SREBF2: variants seen among roughly 807,000 people sequenced by gnomAD.
SREBF2 encodes sterol regulatory element binding transcription factor 2, also known as sterol regulatory element-binding protein 2.
A neutral mutation model predicts 113.1 loss-of-function variants in SREBF2; 55 were observed. The ratio of observed to expected loss-of-function variants is 0.49; its 90% confidence interval spans 0.39 to 0.61. The LOEUF (loss-of-function observed/expected upper bound fraction) is 0.61. Among genes scored for constraint, SREBF2 ranks in the 20% least tolerant of loss-of-function variants. SREBF2 has a pLI of 0.00. For synonymous variants in SREBF2, 593 were observed against 605.7 expected, an observed-to-expected ratio of 0.98 and a Z score of 0.31; for missense variants, 1,349 against 1,487.4, an observed-to-expected ratio of 0.91 and a Z score of 1.53.
intron 4 of SREBF2, among the ~76,000 whole-genome samples, chr22:41,871,620 G>A (rs1402061135): frequency 3.3e-5 from 5 of 152,186 alleles, no homozygotes; most frequent in African/African-American, 7.2e-5. Flanking sequence ...TGACAGGCAC[G>A]GTGGCTCACG....
intron 1 of SREBF2, among the ~76,000 whole-genome samples, chr22:41,837,870 A>G (rs1378827434): frequency 2.6e-5 from 4 of 151,796 alleles, no homozygotes; most frequent in Admixed American, 2.0e-4. Context: ...AAAAAAAAAA[A>G]AAAAAGAAAG....
chr22:41,847,760 G>A (rs145236450), intron 1 of SREBF2, among the ~76,000 whole-genome samples: 12 of 152,296 alleles, frequency 7.9e-5, no homozygotes, highest in African/African-American at 2.4e-4. Flanking sequence ...GAGATTAAAC[G>A]AAATTTGTGT....
intron 10 of SREBF2, among the ~76,000 whole-genome samples, chr22:41,881,643 C>T (rs1389993484): frequency 6.6e-6 from 1 of 152,100 alleles, no homozygotes; most frequent in African/African-American, 2.4e-5. Context: ...CTAGAGGGAG[C>T]CAGGGCACAA....
intron 1 of SREBF2, among the ~76,000 whole-genome samples, chr22:41,840,549 A>G (rs2076820133): frequency 6.6e-6 from 1 of 152,206 alleles, no homozygotes; most frequent in Non-Finnish European, 1.5e-5. Context: ...TTGCCTGTCT[A>G]AAAACATCTT....
chr22:41,863,593 T>C (rs1204517042), intron 1 of SREBF2, among the ~76,000 whole-genome samples: 1 of 152,258 alleles, frequency 6.6e-6, no homozygotes, highest in African/African-American at 2.4e-5. Flanking sequence ...AGTTTAATCA[T>C]GTCACGGAAT....
At chr22:41,859,799 CTTTTTTTT>C (rs1174473976) in intron 1 of SREBF2, among the ~76,000 whole-genome samples, 7 of 54,346 alleles carry the variant, frequency 1.3e-4, no homozygotes, top group Non-Finnish European at 1.7e-4. Flanking sequence ...TATGGTGATT[CTTTTTTTT>C]TTTTTTTTTT....
intron 1 of SREBF2, among the ~76,000 whole-genome samples, chr22:41,842,190 G>C (rs971557116): frequency 2.0e-5 from 3 of 152,144 alleles, no homozygotes; most frequent in African/African-American, 7.2e-5. Context: ...AAGGTACTAT[G>C]AAAAGTCTTG....
chr22:41,874,917 A>T (rs902047793), intron 5 of SREBF2, among the ~76,000 whole-genome samples: 1 of 142,388 alleles, frequency 7.0e-6, no homozygotes, highest in Non-Finnish European at 1.5e-5. Flanking sequence ...TGGAAAAAAG[A>T]AAAAAAAAAA....
intron 10 of SREBF2, among the ~76,000 whole-genome samples, chr22:41,882,884 G>A (rs767253893): frequency 6.6e-6 from 1 of 152,142 alleles, no homozygotes; most frequent in Non-Finnish European, 1.5e-5. Context: ...AAGGAAGGTC[G>A]CTTGAGCCCA....
chr22:41,849,048 A>G (rs1258126953), intron 1 of SREBF2, among the ~76,000 whole-genome samples: 3 of 152,226 alleles, frequency 2.0e-5, no homozygotes, highest in East Asian at 1.9e-4. Context: ...ATATATACAT[A>G]CGTATATATA....
chr22:41,867,014 C>G lies in SREBF2; in HGVS notation c.272C>G (p.Ser91Ter). 6.2e-7 allele frequency: 1 copy of G among 1,614,076 alleles called. No homozygotes were observed. Among genetic ancestry groups the G allele is most frequent in the Non-Finnish European group, 8.5e-7 (1 of 1,179,940 alleles). ...SGAVDPSVQR[S>*]FTQVTLPSFS... The stretch of plus-strand genomic sequence containing the variant: ...GCTGTGGACCCTTCAGTGCAACGGT[C>G]ATTCACCCAGGTCACATTACCTTCC... The change falls in exon 2 of 19, where the codon TCA becomes TGA. Residue 91 changes from serine (S) to a stop codon, truncating the protein, a stop_gained. Transcript: ENST00000361204. LOFTEE classifies it high-confidence loss of function.
chr22:41,894,334 G>T (rs921906918), intron 12 of SREBF2, among the ~76,000 whole-genome samples: 3 of 152,206 alleles, frequency 2.0e-5, no homozygotes, highest in Non-Finnish European at 4.4e-5. Context: ...CCCGTGTCTA[G>T]CCAGTTCAGA....
In SREBF2 at chr22:41,875,704, C is replaced by T; in HGVS notation, c.1366C>T (p.Pro456Ser). The change falls in exon 7 of 19, where the codon CCT becomes TCT. Residue 456 changes from proline (P) to serine (S), a missense_variant. Pro to Ser is a moderately conservative substitution (Grantham distance 74). Coordinates refer to ENST00000361204, the MANE Select transcript of SREBF2 (RefSeq NM_004599.4). ...PYSIDSEPGS[P>S]LLDDAKVKDE... ...CTCCATTGACTCTGAGCCAGGAAGC[C>T]CTCTATTGGATGATGCAAAGGTACA... 6.2e-7 allele frequency: 1 copy of T among 1,614,140 alleles called. No homozygotes were observed. Among genetic ancestry groups the T allele is most frequent in the Non-Finnish European group, 8.5e-7 (1 of 1,180,020 alleles).
At chr22:41,898,848 C>G in intron 15 of SREBF2, 67 bp downstream of exon 15, 2 of 1,597,474 alleles carry the variant, frequency 1.3e-6, no homozygotes, top group Middle Eastern at 3.5e-4. Context: ...TTAGCAGGAG[C>G]AAACTGGACT....
intron 13 of SREBF2, among the ~76,000 whole-genome samples, chr22:41,896,818 A>G (rs1401702254): frequency 6.6e-6 from 1 of 152,156 alleles, no homozygotes. Flanking sequence ...GGGGGATGCT[A>G]GGGAAAGGCC....
intron 10 of SREBF2, among the ~76,000 whole-genome samples, chr22:41,883,522 C>T (rs1043162164): frequency 1.3e-5 from 2 of 152,220 alleles, no homozygotes; most frequent in Non-Finnish European, 2.9e-5. Context: ...CAGGCTGTGT[C>T]CTCCTTGCTG....
At chr22:41,857,492 C>T (rs1272255755) in intron 1 of SREBF2, among the ~76,000 whole-genome samples, 3 of 152,086 alleles carry the variant, frequency 2.0e-5, no homozygotes, top group Non-Finnish European at 1.5e-5. Context: ...TCTTCTCATT[C>T]TGAATTGTTT....
intron 1 of SREBF2, among the ~76,000 whole-genome samples, chr22:41,854,085 T>G (rs934363846): frequency 1.7e-4 from 26 of 151,976 alleles, no homozygotes; most frequent in Admixed American, 4.6e-4. Flanking sequence ...ATAAGTTGCA[T>G]GAAAGTTGCT....
chr22:41,852,012 T>A (rs1448257723), intron 1 of SREBF2, among the ~76,000 whole-genome samples: 1 of 151,828 alleles, frequency 6.6e-6, no homozygotes, highest in African/African-American at 2.4e-5. Flanking sequence ...TCTCAGCTAC[T>A]TGGGAGGCTG....
Sources: gnomAD v4.1 joint callset for allele counts (sites outside exome capture counted in the v4.1 genomes callset) on GRCh38, gnomAD v4.1.1 for gene constraint, MANE v1.5 for transcripts, NCBI Gene and HGNC (gene_info 2026-07-23, HGNC 2026-07-21) for gene names.